ADAP2: variants seen among roughly 807,000 people sequenced by gnomAD.
ADAP2 encodes arf-GAP with dual PH domain-containing protein 2.
In ADAP2, 42 loss-of-function variants were observed where a neutral mutation model predicts 54.9. The ratio of observed to expected loss-of-function variants is 0.77; its 90% CI spans 0.60 to 0.99. The LOEUF is 0.99. Among genes scored for constraint, ADAP2 ranks in the 50% least tolerant of loss-of-function variants. The pLI is 0.00. For missense variants in ADAP2, 429 were observed against 480.4 expected, an observed-to-expected ratio of 0.89 and a Z score of 1.00; for synonymous variants, 177 against 180.1, an observed-to-expected ratio of 0.98 and a Z score of 0.14.
chr17:30,924,632 T>A (rs1910889715), intron 2 of ADAP2, among the ~76,000 whole-genome samples: 1 of 152,068 alleles, frequency 6.6e-6, no homozygotes, highest in African/African-American at 2.4e-5. Context: ...AGGCTGACAT[T>A]TACTGAATGC....
chr17:30,948,788 C>G lies in ADAP2; in HGVS notation c.658-499C>G, dbSNP rs138886039. Among the ~76,000 whole-genome samples, 293 of 152,288 alleles carry G rather than the reference C, an allele frequency of 1.9e-3. 2 individuals are homozygous for G. The highest frequency in any genetic ancestry group is 3.4e-3 in the Non-Finnish European group (231 of 68,028). On this transcript the variant is annotated intron_variant, in intron 6 of 10. Coordinates refer to ENST00000330889, the MANE Select transcript of ADAP2 (RefSeq NM_018404.3). ...TCCTCATTAGAGGAGCATCCCCAGG[C>G]ATAACTGCTCCCCACCCAAATGCCA...
chr17:30,945,168 TCTG>T lies in ADAP2; in HGVS notation c.657+118_657+120del, dbSNP rs559740822. ...TGTGCTCAGCTGCCTCTTGAGATTT[TCTG>T]CTACCATTTGCCTTAATCTATCATT... is the stretch of plus-strand genomic sequence containing the variant. On this transcript the variant is annotated intron_variant, in intron 6 of 10. Coordinates refer to ENST00000330889, the MANE Select transcript of ADAP2 (RefSeq NM_018404.3). The T allele has an allele frequency of 4.6e-3, 5,812 of 1,250,178 alleles. 26 individuals are homozygous for T. Among genetic ancestry groups the T allele is most frequent in the East Asian group, 9.2e-3 (369 of 40,282 alleles). The allele number at this position is 1,250,178 out of a possible 1,614,324, so 77.4% of individuals were successfully genotyped here. A position where few individuals can be genotyped will look rare whatever the true frequency, so the allele number is the denominator to read the frequency against.
intron 3 of ADAP2, among the ~76,000 whole-genome samples, chr17:30,929,438 G>A (rs562387688): frequency 3.3e-5 from 5 of 152,182 alleles, no homozygotes; most frequent in African/African-American, 7.2e-5. Context: ...CAGTGAACAC[G>A]TGCGCTGTGC....
intron 1 of ADAP2, among the ~76,000 whole-genome samples, chr17:30,922,421 C>T (rs1910693600): frequency 6.6e-6 from 1 of 152,244 alleles, no homozygotes; most frequent in Non-Finnish European, 1.5e-5. Context: ...CCGCTCTCTT[C>T]CCTGGCCAGG....
chr17:30,932,230 CTTTTT>C (rs769096794), intron 4 of ADAP2, among the ~76,000 whole-genome samples: 1 of 118,950 alleles, frequency 8.4e-6, no homozygotes, highest in Admixed American at 8.5e-5. Context: ...TGTACAGACT[CTTTTT>C]TTTTTTTTTT....
At chr17:30,922,179 G>A (rs1910663513) in intron 1 of ADAP2, 71 bp downstream of exon 1, 8 of 1,097,594 alleles carry the variant, frequency 7.3e-6, no homozygotes, top group South Asian at 4.4e-5. Flanking sequence ...TCCTCCCCTC[G>A]GCCCCACCGG....
At chr17:30,948,376 A>G (rs1904324605) in intron 6 of ADAP2, among the ~76,000 whole-genome samples, 1 of 151,776 alleles carries the variant, frequency 6.6e-6, no homozygotes, top group Non-Finnish European at 1.5e-5. Context: ...CATCCTGGCT[A>G]ACGTGGTGAA....
chr17:30,956,146 C>T, intron 9 of ADAP2, 95 bp from the exon 10 acceptor site: 2 of 1,089,408 alleles, frequency 1.8e-6, no homozygotes, highest in Non-Finnish European at 2.7e-6. Flanking sequence ...GGACCTCATA[C>T]CCCTTTCCCA....
At chr17:30,957,046 G>A (rs573504170) in intron 10 of ADAP2, 1 of 157,592 alleles carries the variant, frequency 6.3e-6, no homozygotes, top group Non-Finnish European at 1.4e-5. Context: ...GAAACTGCTG[G>A]CCCAGGACCT....
intron 1 of ADAP2, 109 bp downstream of exon 1, chr17:30,922,217 A>T: frequency 1.3e-6 from 1 of 789,866 alleles, no homozygotes; most frequent in Non-Finnish European, 1.7e-6. Context: ...CTGGACCCAG[A>T]CGTGGCACCT....
chr17:30,939,946 C>G (rs1371700703), intron 5 of ADAP2, among the ~76,000 whole-genome samples: 1 of 152,040 alleles, frequency 6.6e-6, no homozygotes, highest in East Asian at 1.9e-4. Context: ...CCAATGCAGT[C>G]TTTTTTACAT....
chr17:30,940,675 A>G (rs1912210600), intron 5 of ADAP2, among the ~76,000 whole-genome samples: 2 of 152,210 alleles, frequency 1.3e-5, no homozygotes, highest in Non-Finnish European at 2.9e-5. Flanking sequence ...CTGTAAGATG[A>G]TGCATAATCA....
chr17:30,922,105 G>A lies in ADAP2; in HGVS notation c.91G>A (p.Ala31Thr), dbSNP rs1017475668. Residue 31 changes from alanine (A) to threonine (T), a missense_variant, in exon 1 of 11, where the codon GCA (alanine) becomes ACA (threonine). By Grantham distance (58) the Ala-to-Thr change is moderately conservative. Transcript: ENST00000330889. ...CGCGCACTGCGCCGACTGCGGGGCGGCAGGTAAGGGCGCGGCGGCGCGGGC... is the reference window on the plus strand; with the variant it reads ...CGCGCACTGCGCCGACTGCGGGGCGACAGGTAAGGGCGCGGCGGCGCGGGC... ...GNAHCADCGAADPDWASYKLG... is the reference protein window; with the variant it reads ...GNAHCADCGATDPDWASYKLG... 8.0e-7 allele frequency: 1 copy of A among 1,246,146 alleles called. No homozygotes were observed. The highest frequency in any genetic ancestry group is 1.0e-6 in the Non-Finnish European group (1 of 996,002). 77.2% of individuals were successfully genotyped at this position (1,246,146 alleles called of 1,614,324 possible). A position where few individuals can be genotyped will look rare whatever the true frequency, so the allele number is the denominator to read the frequency against.
chr17:30,927,433 G>A (rs556479490), intron 3 of ADAP2, among the ~76,000 whole-genome samples: 19 of 151,982 alleles, frequency 1.3e-4, no homozygotes, highest in African/African-American at 4.3e-4. Flanking sequence ...CTAACACGGT[G>A]AAAGCCTGTC....
At chr17:30,939,942 C>T (rs1290177725) in intron 5 of ADAP2, among the ~76,000 whole-genome samples, 1 of 152,058 alleles carries the variant, frequency 6.6e-6, no homozygotes, top group Non-Finnish European at 1.5e-5. Context: ...CATGCCAATG[C>T]AGTCTTTTTT....
chr17:30,926,704 C>A, intron 2 of ADAP2, 123 bp from the exon 3 acceptor site: 1 of 795,358 alleles, frequency 1.3e-6, no homozygotes, highest in South Asian at 1.6e-5. Context: ...GATGACCAAG[C>A]CCGGTGGGAC....
chr17:30,945,177 A>G, intron 6 of ADAP2, 124 bp downstream of exon 6: 1 of 1,171,782 alleles, frequency 8.5e-7, no homozygotes, highest in South Asian at 1.6e-5. Flanking sequence ...TTCTGCTACC[A>G]TTTGCCTTAA....
intron 7 of ADAP2, among the ~76,000 whole-genome samples, chr17:30,951,030 G>A (rs1394002331): frequency 6.6e-6 from 1 of 152,172 alleles, no homozygotes; most frequent in Non-Finnish European, 1.5e-5. Flanking sequence ...TAATGTCTGT[G>A]TATGGTGTGA....
intron 5 of ADAP2, among the ~76,000 whole-genome samples, chr17:30,936,480 T>C (rs183939546): frequency 4.6e-5 from 7 of 152,340 alleles, no homozygotes; most frequent in Non-Finnish European, 1.0e-4. Context: ...GTCTTTTTTA[T>C]AATAGCCGTC....
Sources: gnomAD v4.1 joint callset for allele counts (sites outside exome capture counted in the v4.1 genomes callset) on GRCh38, gnomAD v4.1.1 for gene constraint, MANE v1.5 for transcripts, NCBI Gene and HGNC (gene_info 2026-07-23, HGNC 2026-07-21) for gene names.